The following EML5 variants were observed in gnomAD, a reference collection of about 807,000 sequenced individuals.
EML5 encodes EMAP like 5.
EML5 carries 120 observed loss-of-function variants against 250.0 expected under a neutral mutation model. That is an observed-to-expected ratio of 0.48 (90% confidence interval 0.41 to 0.56). The LOEUF (loss-of-function observed/expected upper bound fraction) is 0.56. Among genes scored for constraint, EML5 ranks in the 20% least tolerant of loss-of-function variants. The pLI, the probability that EML5 is intolerant of heterozygous loss-of-function variation, is 0.00. For synonymous variants in EML5, 771 were observed against 806.5 expected (o/e 0.96, Z 0.75); for missense variants, 2,006 against 2,437.6 (o/e 0.82, Z 3.73).
At chr14:88,705,955 T>A in intron 11 of EML5, 1 of 536,894 alleles carries the variant, frequency 1.9e-6, no homozygotes, top group South Asian at 1.8e-5. Flanking sequence ...AATAAAAGCA[T>A]TTACAAAATC....
At chr14:88,760,636 C>T (rs577429514) in intron 1 of EML5, among the ~76,000 whole-genome samples, 7 of 152,240 alleles carry the variant, frequency 4.6e-5, no homozygotes, top group African/African-American at 1.7e-4. Context: ...ATTGCTTTGG[C>T]TATTCTAATT....
chr14:88,781,671 GAT>G (rs1163002321), intron 1 of EML5, among the ~76,000 whole-genome samples: 1 of 152,166 alleles, frequency 6.6e-6, no homozygotes, highest in Non-Finnish European at 1.5e-5. Context: ...CTGTTCTCAT[GAT>G]AGTGAGTTCC....
intron 2 of EML5, among the ~76,000 whole-genome samples, chr14:88,747,834 A>G (rs1162716670): frequency 6.6e-6 from 1 of 152,222 alleles, no homozygotes; most frequent in Non-Finnish European, 1.5e-5. Context: ...TAAAAACACA[A>G]AAGATGGACT....
intron 37 of EML5, chr14:88,621,734 G>A (rs2088985570): frequency 2.9e-6 from 1 of 342,496 alleles, no homozygotes; most frequent in Non-Finnish European, 5.8e-6. Context: ...CACTTAATAA[G>A]TACAAACACG....
intron 9 of EML5, among the ~76,000 whole-genome samples, chr14:88,714,649 T>C (rs557981619): frequency 1.6e-4 from 25 of 152,288 alleles, no homozygotes; most frequent in Non-Finnish European, 3.1e-4. Context: ...AAACATTACA[T>C]TGTAAATTTT....
intron 1 of EML5, among the ~76,000 whole-genome samples, chr14:88,758,515 C>G (rs552192870): frequency 6.6e-6 from 1 of 152,062 alleles, no homozygotes; most frequent in Non-Finnish European, 1.5e-5. Flanking sequence ...TTTTAAAAGA[C>G]AGAAAATATG....
At chr14:88,695,486 C>G in intron 15 of EML5, 32 bp from the exon 16 acceptor site, 1 of 1,559,778 alleles carries the variant, frequency 6.4e-7, no homozygotes, top group Non-Finnish European at 8.8e-7. Context: ...GATAAACTGA[C>G]TATTAACATT....
intron 17 of EML5, among the ~76,000 whole-genome samples, chr14:88,693,948 T>TG (rs1330125527): frequency 1.3e-5 from 2 of 150,734 alleles, no homozygotes; most frequent in East Asian, 3.9e-4. Context: ...TTTTTTTTTT[T>TG]TTTTTGTAGA....
chr14:88,792,371 C>G lies in EML5; in HGVS notation c.133G>C (p.Val45Leu). ...EIVYFVAGVG[V>L]VYSPREHRQK... Reference sequence around the variant, plus strand: ...CTGTGCTCCCGCGGGCTGTACACCACGCCGACCCCCGCCACGAAGTATACG... The same window carrying G: ...CTGTGCTCCCGCGGGCTGTACACCAGGCCGACCCCCGCCACGAAGTATACG... The change falls in exon 1 of 44, where the codon GTG (valine) becomes CTG (leucine). Residue 45 changes from valine to leucine, a missense_variant. Transcript: ENST00000554922. This position sits in a 1 kb window ranked among gnomAD's most constrained non-coding sequence, Gnocchi z 6.9. 1 of 1,562,482 alleles carries G rather than the reference C, an allele frequency of 6.4e-7. No individual in the cohort carries two copies. The highest frequency in any genetic ancestry group is 8.7e-7 in the Non-Finnish European group (1 of 1,154,922).
Position 88,665,366 on chromosome 14 carries a change from T to C in EML5, c.3248A>G (p.Asp1083Gly). Residue 1083 changes from aspartate (D) to glycine (G), a missense_variant, in exon 22 of 44, where the codon GAT (aspartate) becomes GGT (glycine). This residue lies in a region of EML5 where 1,375 missense variants were observed against 1,590.3 expected (regional missense o/e 0.86). Transcript: ENST00000554922. ...TGAAAATCGAATATCTGAAATCATA[T>C]CTTTTCTGTGATGAAAAGACACAAG... ...EDLVSFHHRK[D>G]MISDIRFSPG... The C allele has an allele frequency of 1.2e-6, 2 of 1,613,362 alleles. No individual in the cohort carries two copies. Among genetic ancestry groups the C allele is most frequent in the African/African-American group, 1.3e-5 (1 of 75,040 alleles).
intron 1 of EML5, among the ~76,000 whole-genome samples, chr14:88,782,697 T>C (rs1378733225): frequency 1.3e-5 from 2 of 152,218 alleles, no homozygotes; most frequent in Non-Finnish European, 2.9e-5. Flanking sequence ...CCCCAAGCCT[T>C]GGCAGCTTCC....
At chr14:88,722,771 A>G (rs1299572828) in intron 8 of EML5, among the ~76,000 whole-genome samples, 1 of 152,176 alleles carries the variant, frequency 6.6e-6, no homozygotes, top group Non-Finnish European at 1.5e-5. Context: ...TTTTCATAAA[A>G]AAAAATTTGC....
chr14:88,732,634 C>G (rs770513076), intron 7 of EML5, among the ~76,000 whole-genome samples: 2 of 152,160 alleles, frequency 1.3e-5, no homozygotes, highest in Non-Finnish European at 2.9e-5. Context: ...GGCATTGAAT[C>G]TATAAATTAC....
intron 10 of EML5, 112 bp from the exon 11 acceptor site, chr14:88,706,538 A>T: frequency 1.3e-6 from 1 of 796,144 alleles, no homozygotes; most frequent in Non-Finnish European, 1.8e-6. Context: ...ATTATAAACA[A>T]ATGGGAAAAA....
chr14:88,726,308 A>AC (rs2093665646), intron 8 of EML5, among the ~76,000 whole-genome samples: 1 of 151,850 alleles, frequency 6.6e-6, no homozygotes, highest in African/African-American at 2.4e-5. Flanking sequence ...AGCATTCTTA[A>AC]CCCCCCAAAC....
intron 10 of EML5, among the ~76,000 whole-genome samples, 163 bp downstream of exon 10, chr14:88,712,108 T>C (rs2139862764): frequency 6.6e-6 from 1 of 152,290 alleles, no homozygotes; most frequent in East Asian, 1.9e-4. Context: ...CCAAAATAAA[T>C]GCAGCATATG....
intron 21 of EML5, among the ~76,000 whole-genome samples, chr14:88,679,842 T>C (rs2092680691): frequency 6.6e-6 from 1 of 152,234 alleles, no homozygotes; most frequent in East Asian, 1.9e-4. Flanking sequence ...ATTATACTTA[T>C]ATTTTCATCA....
At chr14:88,706,824 A>G (rs1285258051) in intron 10 of EML5, among the ~76,000 whole-genome samples, 1 of 152,224 alleles carries the variant, frequency 6.6e-6, no homozygotes, top group Admixed American at 6.5e-5. Flanking sequence ...AGTCATCAAG[A>G]AAATATTAGC....
chr14:88,653,307 C>A (rs1595381945), intron 27 of EML5, among the ~76,000 whole-genome samples: 1 of 152,272 alleles, frequency 6.6e-6, no homozygotes, highest in South Asian at 2.1e-4. Flanking sequence ...TGCCTAATTG[C>A]CCTGGCCAGA....
Sources: allele counts gnomAD v4.1 joint callset (sites outside exome capture counted in the v4.1 genomes callset), GRCh38; gene constraint gnomAD v4.1.1; regional missense constraint gnomAD v4.1.1; non-coding constraint Gnocchi (gnomAD v3.1); transcripts MANE v1.5; gene names NCBI Gene and HGNC (gene_info 2026-07-23, HGNC 2026-07-21).